The following CADM2 variants were observed in gnomAD, a reference collection of about 807,000 sequenced individuals.
The protein encoded by CADM2 is cell adhesion molecule 2.
A neutral mutation model predicts 49.8 loss-of-function variants in CADM2; 12 were observed. The ratio of observed to expected loss-of-function variants is 0.24; its 90% CI spans 0.15 to 0.39. The LOEUF is 0.39. Among genes scored for constraint, CADM2 ranks in the 10% least tolerant of loss-of-function variants. The pLI is 1.00. For missense variants in CADM2, 378 were observed against 492.3 expected (o/e 0.77, Z 2.20); for synonymous variants, 214 against 175.4 (o/e 1.22, Z -1.74).
intron 1 of CADM2, among the ~76,000 whole-genome samples, chr3:85,386,706 T>TA (rs748153867): frequency 2.6e-5 from 4 of 152,128 alleles, no homozygotes; most frequent in Non-Finnish European, 5.9e-5. Context: ...AGAGACAATG[T>TA]AAGTGAAAAC....
At chr3:85,943,072 T>G (rs1461500144) in intron 7 of CADM2, among the ~76,000 whole-genome samples, 1 of 152,150 alleles carries the variant, frequency 6.6e-6, no homozygotes, top group Non-Finnish European at 1.5e-5. Context: ...GATTTGCATT[T>G]CTCTGATGGC....
At chr3:85,068,930 G>A (rs1393841155) in intron 1 of CADM2, among the ~76,000 whole-genome samples, 1 of 152,022 alleles carries the variant, frequency 6.6e-6, no homozygotes, top group African/African-American at 2.4e-5. Flanking sequence ...TGAAGCCAGT[G>A]ATTTGGAGTA....
rs17023065 is a variant in CADM2 at position 85,605,063 on chromosome 3, A to G, written c.62-121459A>G. Among the ~76,000 whole-genome samples the G allele has an allele frequency of 2.6e-3, 400 of 152,128 alleles. 10 individuals carry two copies. In the East Asian group the frequency reaches 0.054, roughly 21 times the overall value. On this transcript the variant is annotated intron_variant, in intron 1 of 9. Coordinates refer to ENST00000383699, the MANE Select transcript of CADM2 (RefSeq NM_001167675.2). ...AAGTAGAACATTGGCACTAATCCTT[A>G]TTTAATCAGCCTTAAAATGGTAATT... is the stretch of plus-strand genomic sequence containing the variant.
intron 1 of CADM2, among the ~76,000 whole-genome samples, chr3:85,229,995 G>A (rs2042251362): frequency 6.6e-6 from 1 of 152,142 alleles, no homozygotes; most frequent in African/African-American, 2.4e-5. Flanking sequence ...AAAGACACGT[G>A]GGTCTCAGGA....
At chr3:85,236,132 C>A (rs1008245518) in intron 1 of CADM2, among the ~76,000 whole-genome samples, 1 of 152,070 alleles carries the variant, frequency 6.6e-6, no homozygotes, top group Non-Finnish European at 1.5e-5. Context: ...GTACTTCTCA[C>A]GGTTGCCCCA....
At chr3:85,039,181 A>G (rs1475423455) in intron 1 of CADM2, among the ~76,000 whole-genome samples, 5 of 152,058 alleles carry the variant, frequency 3.3e-5, no homozygotes, top group Non-Finnish European at 7.4e-5. Flanking sequence ...TTGTGTTTTT[A>G]GCAGAGATGG....
chr3:86,058,646 A>G (rs1738267174), intron 8 of CADM2, among the ~76,000 whole-genome samples: 3 of 152,114 alleles, frequency 2.0e-5, no homozygotes, highest in Admixed American at 6.6e-5. Flanking sequence ...ATATAATAAC[A>G]ATTGAATAAT....
intron 1 of CADM2, among the ~76,000 whole-genome samples, chr3:85,497,974 A>G (rs745728638): frequency 2.0e-5 from 3 of 151,904 alleles, no homozygotes; most frequent in Non-Finnish European, 2.9e-5. Flanking sequence ...GAAATTGCCT[A>G]CTCACTAAAA....
chr3:85,524,635 G>T (rs1340887352), intron 1 of CADM2, among the ~76,000 whole-genome samples: 1 of 152,058 alleles, frequency 6.6e-6, no homozygotes, highest in Admixed American at 6.6e-5. Flanking sequence ...CCAAAATTTT[G>T]ATTAAATTAG....
At chr3:85,939,468 A>ACACACACACACACAC (rs1553710489) in intron 7 of CADM2, among the ~76,000 whole-genome samples, 2 of 137,080 alleles carry the variant, frequency 1.5e-5, no homozygotes, top group African/African-American at 5.5e-5. Context: ...AGTAAACGAA[A>ACACACACACACACAC]ACACACACAC....
chr3:85,784,530 TTATCTATCTATCTATCTATC>T (rs71112118), intron 2 of CADM2, among the ~76,000 whole-genome samples: 32 of 142,324 alleles, frequency 2.2e-4, no homozygotes, highest in South Asian at 1.3e-3. Context: ...CTAAATATAT[TTATCTATCTATCTATCTATC>T]TATCTATCTA....
At chr3:85,060,616 TC>T (rs1200408068) in intron 1 of CADM2, among the ~76,000 whole-genome samples, 43 of 152,188 alleles carry the variant, frequency 2.8e-4, no homozygotes, top group African/African-American at 1.0e-3. Context: ...TTCCCATAAT[TC>T]CTATTTTGCT....
At chr3:85,503,513 C>T (rs1215474377) in intron 1 of CADM2, among the ~76,000 whole-genome samples, 1 of 152,170 alleles carries the variant, frequency 6.6e-6, no homozygotes, top group East Asian at 1.9e-4. Context: ...CAATCTAGAT[C>T]ATGCTGGATC....
In CADM2 at chr3:85,153,006, A is replaced by G. The variant is rs111764636; in HGVS notation, c.61+193338A>G. Reference sequence around the variant, plus strand: ...TAAAAAAAAAATCTTTCAATTGGCAATATGAAGAAGAAAAACATTGTAAAG... The same window carrying G: ...TAAAAAAAAAATCTTTCAATTGGCAGTATGAAGAAGAAAAACATTGTAAAG... On this transcript the variant is annotated intron_variant, in intron 1 of 9. Coordinates refer to ENST00000383699, the MANE Select transcript of CADM2 (RefSeq NM_001167675.2). 4.3e-3 allele frequency among the ~76,000 whole-genome samples: 652 copies of G among 152,214 alleles called. 3 individuals are homozygous for G. The highest frequency in any genetic ancestry group is 0.014 in the African/African-American group (578 of 41,528).
At chr3:85,723,108 G>A (rs889486924) in intron 1 of CADM2, among the ~76,000 whole-genome samples, 6 of 151,730 alleles carry the variant, frequency 4.0e-5, no homozygotes, top group South Asian at 2.1e-4. Context: ...ATATATATAC[G>A]TGTTTTCACA....
intron 1 of CADM2, among the ~76,000 whole-genome samples, chr3:85,196,897 C>A (rs571808703): frequency 1.6e-4 from 24 of 152,010 alleles, no homozygotes; most frequent in African/African-American, 5.8e-4. Context: ...TGGTAGAAAT[C>A]AGTTACTTCT....
At chr3:85,699,143 C>A (rs949563770) in intron 1 of CADM2, among the ~76,000 whole-genome samples, 5 of 152,204 alleles carry the variant, frequency 3.3e-5, no homozygotes, top group African/African-American at 9.6e-5. Flanking sequence ...CCATGTCCCA[C>A]ATCCATGACA....
intron 6 of CADM2, among the ~76,000 whole-genome samples, chr3:85,916,384 A>C (rs746183568): frequency 7.6e-6 from 1 of 132,236 alleles, no homozygotes; most frequent in African/African-American, 2.9e-5. Flanking sequence ...ATGTGTTCTC[A>C]TTGTTAAATT....
At chr3:85,332,764 A>G (rs1018676898) in intron 1 of CADM2, among the ~76,000 whole-genome samples, 1 of 151,892 alleles carries the variant, frequency 6.6e-6, no homozygotes, top group Admixed American at 6.6e-5. Flanking sequence ...TAACTAGTCA[A>G]GCAAAGGCAG....
Sources: allele counts gnomAD v4.1 joint callset (sites outside exome capture counted in the v4.1 genomes callset), GRCh38; gene constraint gnomAD v4.1.1; transcripts MANE v1.5; gene names NCBI Gene and HGNC (gene_info 2026-07-23, HGNC 2026-07-21).